The following HIC1 variants were observed in gnomAD, a reference collection of about 807,000 sequenced individuals.
HIC1 encodes the protein HIC ZBTB transcriptional repressor 1, also known as hypermethylated in cancer 1 protein.
A neutral mutation model predicts 26.4 loss-of-function variants in HIC1; 9 were observed. The observed-to-expected ratio is 0.34, with a 90% CI of 0.21 to 0.59. HIC1 has a LOEUF of 0.59. Ranked by LOEUF, HIC1 falls within the 20% of genes least tolerant of loss-of-function variation. The pLI, the probability that HIC1 is intolerant of heterozygous loss-of-function variation, is 0.82. For synonymous variants in HIC1, 631 were observed against 523.1 expected, an observed-to-expected ratio of 1.21 and a Z score of -2.81; for missense variants, 965 against 1,075.7, an observed-to-expected ratio of 0.90 and a Z score of 1.44.
rs1169325292 is a variant in HIC1, at chr17:2,058,535, C to T, written c.1845C>T (p.Val615=). ...CGGGCTTGGGGGGGCTCCCCGGCGT[C>T]CCCGGCCCCGACGGCAAGGGCAAGC... is the stretch of plus-strand genomic sequence containing the variant. ...ALAGLGGLPG[V]PGPDGKGKLD... The change falls in exon 2 of 2, where the codon GTC becomes GTT. Residue 615 remains valine (V), a synonymous_variant. Coordinates refer to ENST00000619757, the MANE Select transcript of HIC1 (RefSeq NM_006497.4). The T allele has an allele frequency of 1.3e-6, 2 of 1,510,550 alleles. No individual in the cohort carries two copies. The highest frequency in any genetic ancestry group is 1.8e-6 in the Non-Finnish European group (2 of 1,134,930). The allele number at this position is 1,510,550 out of a possible 1,614,324, so 93.6% of individuals were successfully genotyped here. A position where few individuals can be genotyped will look rare whatever the true frequency, so the allele number is the denominator to read the frequency against.
In HIC1 at chr17:2,057,972, C is replaced by T. The variant is rs1348998750; in HGVS notation, c.1282C>T (p.Pro428Ser). 6.2e-7 allele frequency: 1 copy of T among 1,610,330 alleles called. No individual in the cohort carries two copies. Among genetic ancestry groups the T allele is most frequent in the East Asian group, 2.2e-5 (1 of 44,814 alleles). The change falls in exon 2 of 2, where the codon CCC (proline) becomes TCC (serine). Residue 428 changes from proline to serine, a missense_variant. By Grantham distance (74) the Pro-to-Ser change is moderately conservative. Coordinates refer to ENST00000619757, the MANE Select transcript of HIC1 (RefSeq NM_006497.4). ...GTGCATTCCGTGCGGCAAGGGCTTCCCCAGCTCTGAGCAGCTGAACGCGCA... is the reference window on the plus strand; with the variant it reads ...GTGCATTCCGTGCGGCAAGGGCTTCTCCAGCTCTGAGCAGCTGAACGCGCA... ...YVCIPCGKGF[P>S]SSEQLNAHVE...
rs1555528754 is a variant in HIC1 at position 2,061,465 on chromosome 17, C to G, written c.*2630C>G. On this transcript the variant is annotated 3_prime_UTR_variant, in exon 2 of 2. Transcript: ENST00000619757. The stretch of plus-strand genomic sequence containing the variant: ...TGGTGGCCTTTCAGGAACGGTTCCA[C>G]GGGGGGGGGGCCCCAGTGTGGCTCC... 1.9e-5 allele frequency: 26 copies of G among 1,359,398 alleles called. No individual in the cohort carries two copies. Among genetic ancestry groups the G allele is most frequent in the Admixed American group, 1.1e-4 (5 of 45,198 alleles). 84.2% of individuals were successfully genotyped at this position (1,359,398 alleles called of 1,614,324 possible). A position where few individuals can be genotyped will look rare whatever the true frequency, so the allele number is the denominator to read the frequency against.
chr17:2,058,796 G>T lies in HIC1; in HGVS notation c.2106G>T (p.Gly702=). 1 of 1,503,206 alleles carries T rather than the reference G, an allele frequency of 6.7e-7. No individual in the cohort carries two copies. The highest frequency in any genetic ancestry group is 1.4e-5 in the African/African-American group (1 of 69,234). The allele number at this position is 1,503,206 out of a possible 1,614,324, so 93.1% of individuals were successfully genotyped here. A position where few individuals can be genotyped will look rare whatever the true frequency, so the allele number is the denominator to read the frequency against. Residue 702 remains glycine, a synonymous_variant, in exon 2 of 2, where the codon GGG becomes GGT. Coordinates refer to ENST00000619757, the MANE Select transcript of HIC1 (RefSeq NM_006497.4). ...VLSQGAHLAA[G]PDGRTIDRFS... is the part of the protein sequence containing the mutation. Reference sequence around the variant, plus strand: ...GCCAGGGCGCTCACCTGGCGGCCGGGCCCGACGGCCGGACCATCGACCGTT... The same window carrying T: ...GCCAGGGCGCTCACCTGGCGGCCGGTCCCGACGGCCGGACCATCGACCGTT...
In HIC1 at chr17:2,055,849, G is replaced by A. The variant is rs1243661486; in HGVS notation, c.-21+611G>A. 1.3e-5 allele frequency among the ~76,000 whole-genome samples: 2 copies of A among 151,564 alleles called. No individual in the cohort carries two copies. The highest frequency in any genetic ancestry group is 6.6e-5 in the Admixed American group (1 of 15,224). ...GGGCGGCGGAGTTCCGGGGGAGAAG[G>A]GGCCGGGGGAGCCGCGGAGGGAGGC... is the stretch of plus-strand genomic sequence containing the variant. On this transcript the variant is annotated intron_variant, in intron 1 of 1. Transcript: ENST00000619757. This position sits in a 1 kb window ranked among gnomAD's most constrained non-coding sequence, Gnocchi z 6.4.
Position 2,057,128 on chromosome 17 carries a change from C to T in HIC1, c.438C>T (p.Gly146=). 7 of 1,308,070 alleles carry T rather than the reference C, an allele frequency of 5.4e-6. No individual in the cohort carries two copies. Among genetic ancestry groups the T allele is most frequent in the South Asian group, 4.6e-5 (2 of 43,076 alleles). 81.0% of individuals were successfully genotyped at this position (1,308,070 alleles called of 1,614,324 possible). A position where few individuals can be genotyped will look rare whatever the true frequency, so the allele number is the denominator to read the frequency against. ...YCHLRGGGGG[G]GGYAPYGRPG... ...ACCTGCGGGGCGGCGGCGGCGGCGG[C>T]GGCGGCTACGCGCCCTATGGTCGGC... Residue 146 remains glycine (G), a synonymous_variant, in exon 2 of 2, where the codon GGC becomes GGT. Transcript: ENST00000619757.
chr17:2,056,230 T>C, intron 1 of HIC1: 1 of 1,256,922 alleles, frequency 8.0e-7, no homozygotes, highest in African/African-American at 1.5e-5. Flanking sequence ...TTCCCCCAAC[T>C]GGGGCAACTT....
rs112963849 is a variant in HIC1, at chr17:2,056,532, C to A, written c.-20-139C>A. 103,606 of 1,353,988 alleles carry A rather than the reference C, an allele frequency of 0.077. 4,504 individuals carry two copies. The highest frequency in any genetic ancestry group is 0.095 in the Admixed American group (3,846 of 40,660). 83.9% of individuals were successfully genotyped at this position (1,353,988 alleles called of 1,614,324 possible). ...GCTCCCACTCCAGAGGGCAGCCGGT[C>A]CTTCGCCGGTGCCCAGGCCGCAGGG... On this transcript the variant is annotated intron_variant, in intron 1 of 1. Coordinates refer to ENST00000619757, the MANE Select transcript of HIC1 (RefSeq NM_006497.4).
rs2067665673 is a variant in HIC1 at position 2,055,747 on chromosome 17, G to A, written c.-21+509G>A. ...CGCCGGATTTGGGGGCCGCGAGGAA[G>A]AGCTGCGAGCCGAGGGCCTGGGGCC... On this transcript the variant is annotated intron_variant, in intron 1 of 1. Transcript: ENST00000619757. This position sits in a 1 kb window ranked among gnomAD's most constrained non-coding sequence, Gnocchi z 6.4. Among the ~76,000 whole-genome samples, 2 of 151,798 alleles carry A rather than the reference G, an allele frequency of 1.3e-5. No individual in the cohort carries two copies. The highest frequency in any genetic ancestry group is 6.5e-5 in the Admixed American group (1 of 15,274).
chr17:2,058,229 C>A lies in HIC1; in HGVS notation c.1539C>A (p.Thr513=). 1 of 1,611,742 alleles carries A rather than the reference C, an allele frequency of 6.2e-7. No individual in the cohort carries two copies. The highest frequency in any genetic ancestry group is 8.5e-7 in the Non-Finnish European group (1 of 1,179,790). The part of the protein sequence containing the change: ...LRQHEKTHWL[T]RPYPCTICGK... ...AGCACGAGAAGACGCACTGGCTGAC[C>A]CGGCCCTACCCATGCACCATCTGCG... is the stretch of plus-strand genomic sequence containing the variant. The change falls in exon 2 of 2, where the codon ACC becomes ACA. Residue 513 remains threonine, a synonymous_variant. Coordinates refer to ENST00000619757, the MANE Select transcript of HIC1 (RefSeq NM_006497.4).
At position 2,057,882 on chromosome 17, in the gene HIC1, G is replaced by A. The variant is rs778109842; in HGVS notation, c.1192G>A (p.Glu398Lys). 3 of 1,600,368 alleles carry A rather than the reference G, an allele frequency of 1.9e-6. No homozygotes were observed. In the South Asian group the frequency reaches 3.4e-5, roughly 18 times the overall value. The stretch of plus-strand genomic sequence containing the variant: ...CCCCAGCCCGCCTGGCGGCCACCTC[G>A]AGGGCTACCCATGCCCGCACCTGGC... ...EDPSPPGGHLEGYPCPHLAYG... is the reference protein window; with the variant it reads ...EDPSPPGGHLKGYPCPHLAYG... The change falls in exon 2 of 2, where the codon GAG (glutamate) becomes AAG (lysine). Residue 398 changes from glutamate (E) to lysine (K), a missense_variant. Around this residue, in one of 6 missense-constraint regions of HIC1, gnomAD observed 526 missense variants for 525.0 expected, o/e 1.00. Coordinates refer to ENST00000619757, the MANE Select transcript of HIC1 (RefSeq NM_006497.4).
intron 1 of HIC1, chr17:2,056,201 C>A: frequency 2.0e-6 from 2 of 977,860 alleles, no homozygotes; most frequent in Non-Finnish European, 3.3e-6. Flanking sequence ...GGGCACCGCG[C>A]TCCCCTCCTC....
Position 2,056,652 on chromosome 17 carries a change from C to A in HIC1, c.-20-19C>A. The A allele has an allele frequency of 6.6e-7, 1 of 1,522,278 alleles. No individual in the cohort carries two copies. The allele number at this position is 1,522,278 out of a possible 1,614,324, so 94.3% of individuals were successfully genotyped here. ...AGGGCGCCGCACGGCTCTCACCCGGCCGGTGTGTGTCCCCGCAGGAGAGTG... is the reference window on the plus strand; with the variant it reads ...AGGGCGCCGCACGGCTCTCACCCGGACGGTGTGTGTCCCCGCAGGAGAGTG... On this transcript the variant is annotated intron_variant, in intron 1 of 1. Coordinates refer to ENST00000619757, the MANE Select transcript of HIC1 (RefSeq NM_006497.4).
In HIC1 at chr17:2,061,658, G is replaced by A. The variant is rs544576759; in HGVS notation, c.*2823G>A. ...GAGAGAGCAGAAGGCTGTCACTGAG[G>A]ACAGGAGGCAGAGGGCTGGCTGCTC... On this transcript the variant is annotated 3_prime_UTR_variant, in exon 2 of 2. Coordinates refer to ENST00000619757, the MANE Select transcript of HIC1 (RefSeq NM_006497.4). The A allele has an allele frequency of 1.3e-6, 2 of 1,555,408 alleles. No homozygotes were observed. Among genetic ancestry groups the A allele is most frequent in the East Asian group, 2.4e-5 (1 of 41,402 alleles).
At position 2,057,603 on chromosome 17, in the gene HIC1, G is replaced by T; in HGVS notation, c.913G>T (p.Gly305Trp). ...PGPEPPGRPDGPSLLYRWMKH... is the reference protein window; with the variant it reads ...PGPEPPGRPDWPSLLYRWMKH... Reference sequence around the variant, plus strand: ...ACCCGAGCCCCCCGGCCGCCCCGACGGGCCTAGTCTCCTCTATCGCTGGAT... The same window carrying T: ...ACCCGAGCCCCCCGGCCGCCCCGACTGGCCTAGTCTCCTCTATCGCTGGAT... The change falls in exon 2 of 2, where the codon GGG becomes TGG. Residue 305 changes from glycine to tryptophan, a missense_variant. Transcript: ENST00000619757. 3.3e-6 allele frequency: 5 copies of T among 1,507,540 alleles called. No homozygotes were observed. Among genetic ancestry groups the T allele is most frequent in the Non-Finnish European group, 4.4e-6 (5 of 1,134,096 alleles). 93.4% of individuals were successfully genotyped at this position (1,507,540 alleles called of 1,614,324 possible).
At position 2,055,731 on chromosome 17, in the gene HIC1, T is replaced by TG. The variant is rs1486188485; in HGVS notation, c.-21+498dup. ...CGGCTCCGGGCTCTGCCGCCGGATT[T>TG]GGGGGCCGCGAGGAAGAGCTGCGAG... On this transcript the variant is annotated intron_variant, in intron 1 of 1. Transcript: ENST00000619757. The surrounding 1 kb of genome is among the most constrained non-coding windows in gnomAD (Gnocchi z 6.4). Among the ~76,000 whole-genome samples, 1 of 150,358 alleles carries TG rather than the reference T, an allele frequency of 6.7e-6. No homozygotes were observed. Among genetic ancestry groups the TG allele is most frequent in the Non-Finnish European group, 1.5e-5 (1 of 67,524 alleles).
Position 2,062,502 on chromosome 17 carries a change from T to TA in HIC1, c.*3667_*3668insA, listed in dbSNP as rs2067812687. 1 of 47,618 alleles carries TA rather than the reference T, an allele frequency of 2.1e-5. No individual in the cohort carries two copies. Among genetic ancestry groups the TA allele is most frequent in the Non-Finnish European group, 5.8e-5 (1 of 17,148 alleles). The allele number at this position is 47,618 out of a possible 1,614,324, so 2.9% of individuals were successfully genotyped here. On this transcript the variant is annotated 3_prime_UTR_variant, in exon 2 of 2. Coordinates refer to ENST00000619757, the MANE Select transcript of HIC1 (RefSeq NM_006497.4). ...ATATCTTTCATTCTTTTTAGATGAC[T>TA]TTTTTTTTTTTTAAGCACAGTCTCT... is the stretch of plus-strand genomic sequence containing the variant.
Position 2,057,555 on chromosome 17 carries a change from C to G in HIC1, c.865C>G (p.Arg289Gly). Reference protein sequence around the residue: ...EEAAPPSDPFRGGSGSPGPEP... With the variant: ...EEAAPPSDPFGGGSGSPGPEP... The stretch of plus-strand genomic sequence containing the variant: ...GGCCGCACCGCCTTCCGACCCATTT[C>G]GCGGCGGCAGCGGCAGCCCGGGACC... Residue 289 changes from arginine (R) to glycine (G), a missense_variant, in exon 2 of 2, where the codon CGC becomes GGC. Arg to Gly is a moderately radical substitution (Grantham distance 125). Transcript: ENST00000619757. The G allele has an allele frequency of 2.0e-6, 3 of 1,500,238 alleles. No individual in the cohort carries two copies. Among genetic ancestry groups the G allele is most frequent in the Non-Finnish European group, 2.7e-6 (3 of 1,130,086 alleles). 92.9% of individuals were successfully genotyped at this position (1,500,238 alleles called of 1,614,324 possible).
Position 2,059,585 on chromosome 17 carries a change from C to T in HIC1, c.*750C>T, listed in dbSNP as rs573981425. 34 of 167,222 alleles carry T rather than the reference C, an allele frequency of 2.0e-4. No individual in the cohort carries two copies. The highest frequency in any genetic ancestry group is 3.7e-4 in the Non-Finnish European group (25 of 68,172). 10.4% of individuals were successfully genotyped at this position (167,222 alleles called of 1,614,324 possible). ...GGCTGGAACGCGGTCTCTTTAGCTC[C>T]CTCCTCTTCGTTTGTATATTTCCTA... On this transcript the variant is annotated 3_prime_UTR_variant, in exon 2 of 2. Transcript: ENST00000619757.
At position 2,060,617 on chromosome 17, in the gene HIC1, A is replaced by G. The variant is rs986839150; in HGVS notation, c.*1782A>G. On this transcript the variant is annotated 3_prime_UTR_variant, in exon 2 of 2. Coordinates refer to ENST00000619757, the MANE Select transcript of HIC1 (RefSeq NM_006497.4). ...AGAAGGGGAAGAAGGGTGAGGGGCT[A>G]TTCTGGAGGGAGGGTAGGCGGGCAA... is the stretch of plus-strand genomic sequence containing the variant. 6.6e-6 allele frequency: 1 copy of G among 152,314 alleles called. No individual in the cohort carries two copies. Among genetic ancestry groups the G allele is most frequent in the African/African-American group, 2.4e-5 (1 of 41,376 alleles). 9.4% of individuals were successfully genotyped at this position (152,314 alleles called of 1,614,324 possible). A position where few individuals can be genotyped will look rare whatever the true frequency, so the allele number is the denominator to read the frequency against.
Sources: allele counts gnomAD v4.1 joint callset (sites outside exome capture counted in the v4.1 genomes callset), GRCh38; gene constraint gnomAD v4.1.1; regional missense constraint gnomAD v4.1.1; non-coding constraint Gnocchi (gnomAD v3.1); transcripts MANE v1.5; gene names NCBI Gene and HGNC (gene_info 2026-07-23, HGNC 2026-07-21).